Variants in RYR2 observed in about 807,000 individuals in gnomAD.
RYR2 encodes the protein cardiac muscle ryanodine receptor-calcium release channel.
RYR2 carries 227 observed loss-of-function variants against 601.1 expected under a neutral mutation model. That is an observed-to-expected ratio of 0.38 (90% CI 0.34 to 0.42). The LOEUF (loss-of-function observed/expected upper bound fraction) is 0.42. RYR2 is among the 10% of genes least tolerant of loss of function. The pLI is 1.00. For missense variants in RYR2, 4,646 were observed against 6,156.5 expected (o/e 0.75, Z 8.21); for synonymous variants, 2,223 against 2,175.1 (o/e 1.02, Z -0.61).
intron 27 of RYR2, among the ~76,000 whole-genome samples, chr1:237,554,880 C>G (rs954123391): frequency 4.6e-5 from 7 of 151,976 alleles, no homozygotes; most frequent in Non-Finnish European, 1.0e-4. Context: ...TTATCTTGAT[C>G]ACTTCTCTAA....
At chr1:237,781,079 T>G (rs2149343453) in intron 88 of RYR2, among the ~76,000 whole-genome samples, 1 of 152,256 alleles carries the variant, frequency 6.6e-6, no homozygotes, top group South Asian at 2.1e-4. Flanking sequence ...GACCCAGTCT[T>G]GCTCTGTCAC....
At chr1:237,114,571 C>T (rs1481742542) in intron 1 of RYR2, among the ~76,000 whole-genome samples, 10 of 152,208 alleles carry the variant, frequency 6.6e-5, no homozygotes. Context: ...GCTACTCTTC[C>T]ATTTACCTCA....
intron 79 of RYR2, among the ~76,000 whole-genome samples, chr1:237,741,880 G>A (rs1399135037): frequency 6.6e-6 from 1 of 152,118 alleles, no homozygotes; most frequent in African/African-American, 2.4e-5. Flanking sequence ...GGGATTACAG[G>A]GGTGAGCCAC....
intron 8 of RYR2, among the ~76,000 whole-genome samples, chr1:237,380,364 A>G (rs1174169801): frequency 6.5e-3 from 20 of 3,088 alleles, no homozygotes; most frequent in Non-Finnish European, 0.011. Flanking sequence ...ACACAAATAT[A>G]TATATATATA....
intron 42 of RYR2, among the ~76,000 whole-genome samples, chr1:237,632,389 CTTTTTTTTTTTTT>C (rs11448751): frequency 1.6e-4 from 20 of 127,368 alleles, no homozygotes; most frequent in Non-Finnish European, 2.7e-4. Flanking sequence ...AAAGTGAATT[CTTTTTTTTTTTTT>C]TTTTTTTTTT....
intron 12 of RYR2, among the ~76,000 whole-genome samples, chr1:237,428,811 A>C (rs2150086305): frequency 6.6e-6 from 1 of 152,258 alleles, no homozygotes; most frequent in Middle Eastern, 3.4e-3. Flanking sequence ...TTTACATAAC[A>C]AATAAATATA....
intron 24 of RYR2, among the ~76,000 whole-genome samples, chr1:237,520,023 G>T (rs1020215369): frequency 6.6e-6 from 1 of 151,886 alleles, no homozygotes; most frequent in Non-Finnish European, 1.5e-5. Flanking sequence ...ATTTTAATTA[G>T]GTATTTTAGG....
intron 8 of RYR2, among the ~76,000 whole-genome samples, chr1:237,382,916 T>C (rs1220565901): frequency 6.6e-6 from 1 of 150,710 alleles, no homozygotes; most frequent in South Asian, 2.1e-4. Flanking sequence ...TTGTTTTTGT[T>C]TTTTTTTTTT....
Position 237,660,796 on chromosome 1 carries a change from T to C in RYR2, c.8299-14T>C. 6.5e-7 allele frequency: 1 copy of C among 1,535,026 alleles called. No homozygotes were observed. The highest frequency in any genetic ancestry group is 8.8e-7 in the Non-Finnish European group (1 of 1,137,050). On this transcript the variant is annotated splice_polypyrimidine_tract_variant and intron_variant, in intron 55 of 104. Coordinates refer to ENST00000366574, the MANE Select transcript of RYR2 (RefSeq NM_001035.3). ...TCATAATATATCTGTTGTTTCTTGT[T>C]TTTTCTTCTCTAGGAAAAAGAAATT...
At chr1:237,782,841 GC>G (rs1370999776) in intron 89 of RYR2, among the ~76,000 whole-genome samples, 5 of 152,130 alleles carry the variant, frequency 3.3e-5, no homozygotes, top group Admixed American at 2.6e-4. Flanking sequence ...TAAGAAATCT[GC>G]CCAGGTTGCT....
In RYR2 at chr1:237,350,571, CAAAAAAAAAAAAAAAAA is replaced by C. The variant is rs1167546068; in HGVS notation, c.274-5378_274-5362del. Among the ~76,000 whole-genome samples, 36 of 26,968 alleles carry C rather than the reference CAAAAAAAAAAAAAAAAA, an allele frequency of 1.3e-3. 2 individuals are homozygous for C. The highest frequency in any genetic ancestry group is 3.6e-3 in the African/African-American group (33 of 9,202). The allele number at this position is 26,968 out of a possible 152,430, so 17.7% of individuals were successfully genotyped here. ...GGGTGACAAAAGTAAGACTCTGTCT[CAAAAAAAAAAAAAAAAA>C]AAAAAAAAAAAAAAATATATATATA... On this transcript the variant is annotated intron_variant, in intron 3 of 104. Coordinates refer to ENST00000366574, the MANE Select transcript of RYR2 (RefSeq NM_001035.3).
intron 97 of RYR2, 69 bp from the exon 98 acceptor site, chr1:237,801,787 G>A: frequency 1.0e-6 from 1 of 958,490 alleles, no homozygotes; most frequent in Non-Finnish European, 1.6e-6. Context: ...AAGGCCGTCA[G>A]GCTCTCGCAA....
At chr1:237,461,362 C>G (rs570940923) in intron 16 of RYR2, among the ~76,000 whole-genome samples, 1 of 152,278 alleles carries the variant, frequency 6.6e-6, no homozygotes, top group Admixed American at 6.5e-5. Flanking sequence ...AGGGAGCTCT[C>G]ACACACTTCT....
intron 1 of RYR2, among the ~76,000 whole-genome samples, chr1:237,101,299 TAAAA>T (rs374151748): frequency 2.1e-5 from 2 of 94,166 alleles, no homozygotes; most frequent in Non-Finnish European, 4.1e-5. Context: ...TTTTAGAAGT[TAAAA>T]AAAAAAAAAA....
intron 17 of RYR2, among the ~76,000 whole-genome samples, chr1:237,487,713 A>G (rs1056701762): frequency 5.3e-5 from 8 of 151,546 alleles, no homozygotes; most frequent in Non-Finnish European, 1.2e-4. Flanking sequence ...AGCCTGGGCA[A>G]CTAAGCAAGA....
intron 10 of RYR2, among the ~76,000 whole-genome samples, chr1:237,402,060 A>G (rs973110337): frequency 2.6e-5 from 4 of 152,216 alleles, no homozygotes; most frequent in Non-Finnish European, 5.9e-5. Flanking sequence ...TGAAAAAGGC[A>G]CATAGATATT....
At position 237,565,167 on chromosome 1, in the gene RYR2, CT is replaced by C. The variant is rs869273086; in HGVS notation, c.3215-1397del. On this transcript the variant is annotated intron_variant, in intron 27 of 104. Coordinates refer to ENST00000366574, the MANE Select transcript of RYR2 (RefSeq NM_001035.3). ...TTTCTTTCTTTCTTTCTCTTTCTTT[CT>C]TTCTTTCTTTCTTTCTTTCTTTCTT... Among the ~76,000 whole-genome samples the C allele has an allele frequency of 1.5e-3, 30 of 20,396 alleles. 1 individual carries two copies. The highest frequency in any genetic ancestry group is 6.9e-3 in the South Asian group (2 of 288). 13.4% of individuals were successfully genotyped at this position (20,396 alleles called of 152,430 possible). A position where few individuals can be genotyped will look rare whatever the true frequency, so the allele number is the denominator to read the frequency against.
chr1:237,827,754 C>T (rs1240390871), intron 101 of RYR2, among the ~76,000 whole-genome samples: 1 of 151,326 alleles, frequency 6.6e-6, no homozygotes, highest in Non-Finnish European at 1.5e-5. Flanking sequence ...CTGGCTAACA[C>T]GGTGAAACCC....
chr1:237,540,910 T>C (rs2618673), intron 25 of RYR2, among the ~76,000 whole-genome samples: 54,190 of 150,394 alleles, frequency 0.36, 10,285 homozygotes, highest in East Asian at 0.49. Flanking sequence ...CATGTGTGTG[T>C]GTATATATAT....
Sources: allele counts gnomAD v4.1 joint callset (sites outside exome capture counted in the v4.1 genomes callset), GRCh38; gene constraint gnomAD v4.1.1; transcripts MANE v1.5; gene names NCBI Gene and HGNC (gene_info 2026-07-23, HGNC 2026-07-21).